The following NOS1AP variants were observed in gnomAD, a reference collection of about 807,000 sequenced individuals.
NOS1AP encodes carboxyl-terminal PDZ ligand of neuronal nitric oxide synthase protein.
A neutral mutation model predicts 56.2 loss-of-function variants in NOS1AP; 21 were observed. The observed-to-expected ratio is 0.37, with a 90% CI of 0.26 to 0.54. The LOEUF (loss-of-function observed/expected upper bound fraction) is 0.54. NOS1AP is among the 20% of genes least tolerant of loss of function. The pLI is 0.84. For synonymous variants in NOS1AP, 270 were observed against 274.6 expected (o/e 0.98, Z 0.17); for missense variants, 522 against 657.8 (o/e 0.79, Z 2.26).
intron 2 of NOS1AP, among the ~76,000 whole-genome samples, chr1:162,256,295 T>G (rs1654027331): frequency 6.6e-6 from 1 of 152,256 alleles, no homozygotes; most frequent in South Asian, 2.1e-4. Flanking sequence ...TTTGCTCTTC[T>G]GTCATCTGAT....
At chr1:162,194,022 G>A (rs960860930) in intron 2 of NOS1AP, among the ~76,000 whole-genome samples, 6 of 152,086 alleles carry the variant, frequency 3.9e-5, no homozygotes, top group African/African-American at 1.4e-4. Context: ...AGAGATCCAG[G>A]GCTGTCACTT....
At chr1:162,323,397 G>A (rs977578012) in intron 4 of NOS1AP, among the ~76,000 whole-genome samples, 22 of 152,210 alleles carry the variant, frequency 1.4e-4, no homozygotes, top group Admixed American at 1.2e-3. Flanking sequence ...TAAGCTATCC[G>A]ACTTGTAATA....
chr1:162,344,003 G>A (rs779114045), intron 6 of NOS1AP, 27 bp downstream of exon 6: 3 of 1,613,342 alleles, frequency 1.9e-6, no homozygotes, highest in Non-Finnish European at 2.5e-6. Context: ...CTGTGGATGT[G>A]GGTGGGAAGG....
chr1:162,117,751 C>T (rs80069991), intron 1 of NOS1AP, among the ~76,000 whole-genome samples: 3,447 of 152,274 alleles, frequency 0.023, 134 homozygotes, highest in African/African-American at 0.078. Flanking sequence ...CCAACTGGAA[C>T]GAGTTGGGGC....
At chr1:162,109,139 A>G (rs1256796798) in intron 1 of NOS1AP, among the ~76,000 whole-genome samples, 3 of 152,232 alleles carry the variant, frequency 2.0e-5, no homozygotes, top group African/African-American at 7.2e-5. Flanking sequence ...GACCACCCCT[A>G]TGATTCAATT....
intron 2 of NOS1AP, among the ~76,000 whole-genome samples, chr1:162,261,467 TCA>T (rs1252291998): frequency 0.024 from 133 of 5,572 alleles, 31 homozygotes; most frequent in South Asian, 0.04. Context: ...CAGCGGGGAG[TCA>T]GAGAGAGAGA....
chr1:162,078,124 G>C (rs1558089009), intron 1 of NOS1AP, among the ~76,000 whole-genome samples: 1 of 152,028 alleles, frequency 6.6e-6, no homozygotes, highest in East Asian at 1.9e-4. Context: ...GCCCTCTACT[G>C]TGAGTGCTCC....
At chr1:162,088,472 G>A (rs1692052291) in intron 1 of NOS1AP, among the ~76,000 whole-genome samples, 1 of 152,198 alleles carries the variant, frequency 6.6e-6, no homozygotes, top group Non-Finnish European at 1.5e-5. Flanking sequence ...AAGGACATTT[G>A]TGAGCAGAAC....
intron 2 of NOS1AP, among the ~76,000 whole-genome samples, chr1:162,203,320 G>A (rs1264027196): frequency 1.3e-5 from 2 of 152,150 alleles, no homozygotes; most frequent in Non-Finnish European, 2.9e-5. Context: ...CCTTGGATAG[G>A]AGTTAAAGGA....
At chr1:162,254,130 C>T (rs1653951468) in intron 2 of NOS1AP, among the ~76,000 whole-genome samples, 1 of 152,180 alleles carries the variant, frequency 6.6e-6, no homozygotes, top group African/African-American at 2.4e-5. Context: ...ATCTTTGTCT[C>T]TAAATGCTTT....
At chr1:162,229,784 CAT>C (rs1653065069) in intron 2 of NOS1AP, among the ~76,000 whole-genome samples, 1 of 152,128 alleles carries the variant, frequency 6.6e-6, no homozygotes, top group Non-Finnish European at 1.5e-5. Context: ...GAAAAACATA[CAT>C]TTCTGTTTTT....
At chr1:162,260,413 C>G (rs1423119434) in intron 2 of NOS1AP, among the ~76,000 whole-genome samples, 2 of 152,082 alleles carry the variant, frequency 1.3e-5, no homozygotes, top group African/African-American at 4.8e-5. Flanking sequence ...GCTTGGTATT[C>G]AGAACCATCA....
At position 162,304,780 on chromosome 1, in the gene NOS1AP, CTGTGTG is replaced by C. The variant is rs3055849; in HGVS notation, c.344+4100_344+4105del. ...TCTGTGTACATGTGAATTTTTATATCTGTGTGTGTGTGTGTGTGTGTGTGTGTGTGT... is the reference window on the plus strand; with the variant it reads ...TCTGTGTACATGTGAATTTTTATATCTGTGTGTGTGTGTGTGTGTGTGTGT... On this transcript the variant is annotated intron_variant, in intron 4 of 9. Coordinates refer to ENST00000361897, the MANE Select transcript of NOS1AP (RefSeq NM_014697.3). 1.4e-4 allele frequency among the ~76,000 whole-genome samples: 21 copies of C among 146,190 alleles called. No individual in the cohort carries two copies. The East Asian group carries it at 2.6e-3, about 18-fold the overall frequency.
intron 2 of NOS1AP, among the ~76,000 whole-genome samples, chr1:162,162,508 C>A (rs1485481013): frequency 6.6e-6 from 1 of 152,198 alleles, no homozygotes; most frequent in Non-Finnish European, 1.5e-5. Context: ...ACTGTACCAT[C>A]CTGGCTGTCA....
intron 1 of NOS1AP, among the ~76,000 whole-genome samples, chr1:162,109,578 A>G (rs566469887): frequency 6.6e-6 from 1 of 152,268 alleles, no homozygotes; most frequent in South Asian, 2.1e-4. Context: ...TCATTGTACT[A>G]TTCTTTCTAT....
At chr1:162,296,456 G>C (rs1655466151) in intron 3 of NOS1AP, among the ~76,000 whole-genome samples, 1 of 152,196 alleles carries the variant, frequency 6.6e-6, no homozygotes, top group African/African-American at 2.4e-5. Context: ...GACAGGACTA[G>C]ATTTTAATGA....
intron 3 of NOS1AP, among the ~76,000 whole-genome samples, chr1:162,289,537 G>C (rs1392990333): frequency 3.6e-5 from 5 of 138,676 alleles, no homozygotes; most frequent in African/African-American, 1.4e-4. Flanking sequence ...TGCAGTGGCG[G>C]GATCTCGGCT....
intron 2 of NOS1AP, among the ~76,000 whole-genome samples, chr1:162,217,048 A>G (rs1652593687): frequency 6.6e-6 from 1 of 152,028 alleles, no homozygotes; most frequent in African/African-American, 2.4e-5. Context: ...GCTTTATGTG[A>G]CTGACTTGGA....
intron 2 of NOS1AP, among the ~76,000 whole-genome samples, chr1:162,258,360 A>C (rs916147463): frequency 2.0e-5 from 3 of 152,162 alleles, no homozygotes; most frequent in African/African-American, 7.2e-5. Context: ...CACCAGGAAT[A>C]TGAATGGGAT....
Sources: gnomAD v4.1 joint callset for allele counts (sites outside exome capture counted in the v4.1 genomes callset) on GRCh38, gnomAD v4.1.1 for gene constraint, MANE v1.5 for transcripts, NCBI Gene and HGNC (gene_info 2026-07-23, HGNC 2026-07-21) for gene names.